Variants in RSRC2 observed in about 807,000 individuals in gnomAD.
RSRC2 encodes the protein arginine/serine-rich coiled-coil protein 2.
In RSRC2, 5 loss-of-function variants were observed where a neutral mutation model predicts 61.3. That is an observed-to-expected ratio of 0.08 (90% CI 0.04 to 0.17). RSRC2 has a LOEUF of 0.17. Among genes scored for constraint, RSRC2 ranks in the 10% least tolerant of loss-of-function variants. RSRC2 has a pLI of 1.00. For missense variants in RSRC2, 381 were observed against 518.8 expected (o/e 0.73, Z 2.58); for synonymous variants, 202 against 166.5 (o/e 1.21, Z -1.64).
intron 1 of RSRC2, among the ~76,000 whole-genome samples, chr12:122,524,101 TCAACTTTCTCGTTTCACAGATGA>T (rs1959678982): frequency 6.6e-6 from 1 of 152,192 alleles, no homozygotes; most frequent in Admixed American, 6.5e-5. Context: ...AGAATAGAGT[TCAACTTTCTCGTTTCACAGATGA>T]GATCCAGCAA....
At chr12:122,505,999 G>A (rs964273156) in intron 9 of RSRC2, among the ~76,000 whole-genome samples, 15 of 151,908 alleles carry the variant, frequency 9.9e-5, no homozygotes, top group African/African-American at 3.1e-4. Flanking sequence ...GGCTGGTCTC[G>A]AACTCCTGAC....
At chr12:122,506,123 C>T (rs541909803) in intron 9 of RSRC2, among the ~76,000 whole-genome samples, 64 of 152,138 alleles carry the variant, frequency 4.2e-4, no homozygotes, top group African/African-American at 1.5e-3. Flanking sequence ...GTGTGGCTCA[C>T]GCCTGTAATC....
At chr12:122,525,249 G>A (rs1204341450) in intron 1 of RSRC2, among the ~76,000 whole-genome samples, 1 of 151,990 alleles carries the variant, frequency 6.6e-6, no homozygotes, top group Admixed American at 6.6e-5. Context: ...GGTGGTGGGC[G>A]CCTGTAATCC....
At chr12:122,523,685 A>G (rs979830160) in intron 1 of RSRC2, 1 of 152,248 alleles carries the variant, frequency 6.6e-6, no homozygotes, top group African/African-American at 2.4e-5. Context: ...AAGTTAGTCC[A>G]GAAAATGAAT....
At position 122,503,632 on chromosome 12, in the gene RSRC2, G is replaced by A. The variant is rs1957990432; in HGVS notation, c.*1895C>T. 1 of 152,156 alleles carries A rather than the reference G, an allele frequency of 6.6e-6. No homozygotes were observed. The highest frequency in any genetic ancestry group is 2.1e-4 in the South Asian group (1 of 4,828). The allele number at this position is 152,156 out of a possible 1,614,324, so 9.4% of individuals were successfully genotyped here. A position where few individuals can be genotyped will look rare whatever the true frequency, so the allele number is the denominator to read the frequency against. The stretch of plus-strand genomic sequence containing the variant: ...AATAAGATTGATTTAAAAAGGCAGA[G>A]CTTAATTGAAAAATGTTGATGATCA... On this transcript the variant is annotated 3_prime_UTR_variant, in exon 10 of 10. Coordinates refer to ENST00000331738, the MANE Select transcript of RSRC2 (RefSeq NM_023012.6).
chr12:122,519,443 T>TCA, intron 3 of RSRC2: 1 of 161,738 alleles, frequency 6.2e-6, no homozygotes. Context: ...CAGAAACGCA[T>TCA]TTCAATTAGG....
chr12:122,506,956 A>C (rs1484779909), intron 8 of RSRC2, 33 bp from the exon 9 acceptor site: 1 of 1,209,488 alleles, frequency 8.3e-7, no homozygotes, highest in African/African-American at 1.5e-5. Context: ...AAAATATGTA[A>C]AATTTAAATA....
chr12:122,515,509 G>A (rs1186190717), intron 5 of RSRC2, among the ~76,000 whole-genome samples: 1 of 152,040 alleles, frequency 6.6e-6, no homozygotes, highest in Non-Finnish European at 1.5e-5. Context: ...CTACAAGCAT[G>A]CCCCACCGCA....
Position 122,505,090 on chromosome 12 carries a change from A to G in RSRC2, c.*437T>C, listed in dbSNP as rs1247651213. On this transcript the variant is annotated 3_prime_UTR_variant, in exon 10 of 10. Coordinates refer to ENST00000331738, the MANE Select transcript of RSRC2 (RefSeq NM_023012.6). ...ACCATTTTTATTATCATTACCACCC[A>G]GCTTATCTGTGCTGGATTATGTACC... The G allele has an allele frequency of 6.5e-6, 1 of 153,608 alleles. No homozygotes were observed. The highest frequency in any genetic ancestry group is 1.5e-5 in the Non-Finnish European group (1 of 68,766). The allele number at this position is 153,608 out of a possible 1,614,324, so 9.5% of individuals were successfully genotyped here.
intron 3 of RSRC2, 133 bp from the exon 4 acceptor site, chr12:122,519,162 T>C: frequency 1.5e-6 from 1 of 667,058 alleles, no homozygotes; most frequent in Non-Finnish European, 2.5e-6. Context: ...AAAAAAGATC[T>C]AGTTTCACAT....
At chr12:122,507,520 C>T (rs1304386914) in intron 8 of RSRC2, among the ~76,000 whole-genome samples, 1 of 150,274 alleles carries the variant, frequency 6.7e-6, no homozygotes, top group African/African-American at 2.5e-5. Context: ...AAAAAAAGTA[C>T]CTCATAATCT....
Position 122,503,652 on chromosome 12 carries a change from T to C in RSRC2, c.*1875A>G, listed in dbSNP as rs1957990685. 1 of 152,218 alleles carries C rather than the reference T, an allele frequency of 6.6e-6. No individual in the cohort carries two copies. Among genetic ancestry groups the C allele is most frequent in the African/African-American group, 2.4e-5 (1 of 41,454 alleles). The allele number at this position is 152,218 out of a possible 1,614,324, so 9.4% of individuals were successfully genotyped here. A position where few individuals can be genotyped will look rare whatever the true frequency, so the allele number is the denominator to read the frequency against. On this transcript the variant is annotated 3_prime_UTR_variant, in exon 10 of 10. Transcript: ENST00000331738. The stretch of plus-strand genomic sequence containing the variant: ...GCAGAGCTTAATTGAAAAATGTTGA[T>C]GATCACGAAATGAAGGATCCATAGT...
At position 122,526,931 on chromosome 12, in the gene RSRC2, C is replaced by A. The variant is rs1960645725; in HGVS notation, c.-78G>T. The stretch of plus-strand genomic sequence containing the variant: ...TACCGGCCGCTCCGAAGCTTCGCCT[C>A]AGACTAAATCGCTCGCGCGAGAGAC... On this transcript the variant is annotated 5_prime_UTR_variant, in exon 1 of 10. Coordinates refer to ENST00000331738, the MANE Select transcript of RSRC2 (RefSeq NM_023012.6). The A allele has an allele frequency of 1.9e-6, 3 of 1,554,118 alleles. No individual in the cohort carries two copies. Among genetic ancestry groups the A allele is most frequent in the Admixed American group, 3.4e-5 (2 of 59,292 alleles).
At position 122,505,461 on chromosome 12, in the gene RSRC2, G is replaced by C. The variant is rs1958056183; in HGVS notation, c.*66C>G. On this transcript the variant is annotated 3_prime_UTR_variant, in exon 10 of 10. Transcript: ENST00000331738. The stretch of plus-strand genomic sequence containing the variant: ...TGCAAGCTAGAGTGCTAGCTGTTTG[G>C]TGAACAAGGACGTGACATCAGAACA... 2 of 1,461,252 alleles carry C rather than the reference G, an allele frequency of 1.4e-6. No homozygotes were observed. Among genetic ancestry groups the C allele is most frequent in the African/African-American group, 2.8e-5 (2 of 71,032 alleles). The allele number at this position is 1,461,252 out of a possible 1,614,324, so 90.5% of individuals were successfully genotyped here.
chr12:122,521,214 C>A, intron 3 of RSRC2, 171 bp downstream of exon 3: 2 of 487,058 alleles, frequency 4.1e-6, no homozygotes, highest in Non-Finnish European at 7.4e-6. Context: ...TTCACATAAA[C>A]ATCTTCTTCA....
chr12:122,517,826 G>A (rs1047259939), intron 4 of RSRC2, among the ~76,000 whole-genome samples: 8 of 151,988 alleles, frequency 5.3e-5, no homozygotes, highest in Non-Finnish European at 1.0e-4. Flanking sequence ...TCACAAATTT[G>A]AGCTGTGATC....
At chr12:122,506,775 G>A (rs1448998896) in intron 9 of RSRC2, 59 bp downstream of exon 9, 15 of 996,972 alleles carry the variant, frequency 1.5e-5, no homozygotes, top group Non-Finnish European at 2.0e-5. Context: ...AATGAGGGAA[G>A]AACAGTGCAG....
In RSRC2 at chr12:122,513,220, TAAATAAATAAATAAATAAATAAATA is replaced by T. The variant is rs1402936762; in HGVS notation, c.725+1860_725+1884del. On this transcript the variant is annotated intron_variant, in intron 6 of 9. Coordinates refer to ENST00000331738, the MANE Select transcript of RSRC2 (RefSeq NM_023012.6). The stretch of plus-strand genomic sequence containing the variant: ...AAAAATAAATAAATAAATAAATAAA[TAAATAAATAAATAAATAAATAAATA>T]AAATAAAATAAAAATAAAAAATAAA... Among the ~76,000 whole-genome samples the T allele has an allele frequency of 7.6e-4, 73 of 96,602 alleles. 1 individual carries two copies. In the East Asian group the frequency reaches 0.012, roughly 15 times the overall value. The allele number at this position is 96,602 out of a possible 152,430, so 63.4% of individuals were successfully genotyped here. A position where few individuals can be genotyped will look rare whatever the true frequency, so the allele number is the denominator to read the frequency against.
intron 3 of RSRC2, 116 bp downstream of exon 3, chr12:122,521,269 C>A: frequency 1.5e-6 from 1 of 679,532 alleles, no homozygotes; most frequent in Non-Finnish European, 2.5e-6. Context: ...CCCAATAAAC[C>A]TTTTAAATTT....
Sources: gnomAD v4.1 joint callset for allele counts (sites outside exome capture counted in the v4.1 genomes callset) on GRCh38, gnomAD v4.1.1 for gene constraint, MANE v1.5 for transcripts, NCBI Gene and HGNC (gene_info 2026-07-23, HGNC 2026-07-21) for gene names.